The following DAAM2 variants were observed in gnomAD, a reference collection of about 807,000 sequenced individuals.
DAAM2 encodes the protein disheveled-associated activator of morphogenesis 2.
DAAM2 carries 39 observed loss-of-function variants against 120.7 expected under a neutral mutation model. The observed-to-expected ratio is 0.32, with a 90% CI of 0.25 to 0.42. The LOEUF is 0.42. Ranked by LOEUF, DAAM2 falls within the 10% of genes least tolerant of loss-of-function variation. The probability of loss-of-function intolerance (pLI) is 1.00; values close to 1 mark genes in which losing one functional copy is unlikely to be tolerated. For missense variants in DAAM2, 1,283 were observed against 1,401.7 expected (o/e 0.92, Z 1.35); for synonymous variants, 488 against 524.9 (o/e 0.93, Z 0.96).
chr6:39,817,819 C>T (rs1017782614), intron 1 of DAAM2, among the ~76,000 whole-genome samples: 26 of 152,124 alleles, frequency 1.7e-4, no homozygotes, highest in African/African-American at 6.3e-4. Flanking sequence ...GGCCTACCCA[C>T]ATTATGGAGG....
chr6:39,871,750 G>A (rs1042342660), intron 9 of DAAM2, among the ~76,000 whole-genome samples, 178 bp downstream of exon 9: 51 of 152,166 alleles, frequency 3.4e-4, no homozygotes, highest in African/African-American at 1.2e-3. Flanking sequence ...ACAACCAATA[G>A]GATACATATA....
chr6:39,879,389 A>AC lies in DAAM2; in HGVS notation c.1761dup (p.Ser588GlnfsTer3). 1 of 1,603,982 alleles carries AC rather than the reference A, an allele frequency of 6.2e-7. No homozygotes were observed. Among genetic ancestry groups the AC allele is most frequent in the Non-Finnish European group, 8.5e-7 (1 of 1,177,440 alleles). On this transcript the variant is annotated frameshift_variant, in exon 14 of 25. Transcript: ENST00000274867. LOFTEE classifies it high-confidence loss of function. Reference sequence around the variant, plus strand: ...GGCCTGCCCCTCCCTCAGGACCCCTACCCCAGCAGTGACGTCCCACTCAGG... The same window carrying AC: ...GGCCTGCCCCTCCCTCAGGACCCCTACCCCCAGCAGTGACGTCCCACTCAGG...
Position 39,901,711 on chromosome 6 carries a change from G to A in DAAM2, c.2983-102G>A. Reference sequence around the variant, plus strand: ...AAGTGGGGCCAACAGATACAGGCAGGCAGCATGACCATGGCCTAGGAGTTA... The same window carrying A: ...AAGTGGGGCCAACAGATACAGGCAGACAGCATGACCATGGCCTAGGAGTTA... On this transcript the variant is annotated intron_variant, in intron 24 of 24. Transcript: ENST00000274867. This position sits in a 1 kb window ranked among gnomAD's most constrained non-coding sequence, Gnocchi z 4.5. 1.7e-6 allele frequency: 2 copies of A among 1,157,308 alleles called. No individual in the cohort carries two copies. The highest frequency in any genetic ancestry group is 2.4e-6 in the Non-Finnish European group (2 of 844,096). The allele number at this position is 1,157,308 out of a possible 1,614,324, so 71.7% of individuals were successfully genotyped here.
rs1762067606 is a variant in DAAM2 at position 39,808,339 on chromosome 6, G to A, written c.-57+15874G>A. On this transcript the variant is annotated intron_variant, in intron 1 of 24. Coordinates refer to ENST00000274867, the MANE Select transcript of DAAM2 (RefSeq NM_001201427.2). The stretch of plus-strand genomic sequence containing the variant: ...AAGTGCTAGAAAGTGACCACAGGCT[G>A]TCCTTTTGATAAGGACATGGGACCA... Among the ~76,000 whole-genome samples, 2 of 152,160 alleles carry A rather than the reference G, an allele frequency of 1.3e-5. 1 individual carries two copies. Among genetic ancestry groups the A allele is most frequent in the South Asian group, 4.1e-4 (2 of 4,822 alleles).
chr6:39,806,628 C>G (rs1218799317), intron 1 of DAAM2, among the ~76,000 whole-genome samples: 2 of 152,092 alleles, frequency 1.3e-5, no homozygotes, highest in African/African-American at 4.8e-5. Flanking sequence ...CCCTCTGCCT[C>G]CATCCTCAAC....
intron 1 of DAAM2, among the ~76,000 whole-genome samples, chr6:39,840,083 C>G (rs897030799): frequency 2.0e-5 from 3 of 152,106 alleles, no homozygotes; most frequent in Admixed American, 1.3e-4. Flanking sequence ...AAACATTAGC[C>G]AGGTGTGATG....
chr6:39,800,800 G>A (rs988523370), intron 1 of DAAM2, among the ~76,000 whole-genome samples: 6 of 152,278 alleles, frequency 3.9e-5, no homozygotes, highest in Admixed American at 2.0e-4. Flanking sequence ...TGGGTTTGGC[G>A]GAGGCCTTAG....
chr6:39,848,013 A>G lies in DAAM2; in HGVS notation c.-56-8234A>G, dbSNP rs117534151. Reference sequence around the variant, plus strand: ...AGGTGCAGTGGAACCACCCTAGTAGAGCTTCTCATTCATCTGGGCTGTCGT... The same window carrying G: ...AGGTGCAGTGGAACCACCCTAGTAGGGCTTCTCATTCATCTGGGCTGTCGT... On this transcript the variant is annotated intron_variant, in intron 1 of 24. Transcript: ENST00000274867. Among the ~76,000 whole-genome samples the G allele has an allele frequency of 9.2e-4, 140 of 152,138 alleles. 3 individuals carry two copies. The East Asian group carries it at 0.018, about 20-fold the overall frequency.
rs1049926743 is a variant in DAAM2, at chr6:39,891,630, A to G, written c.2253-4A>G. The G allele has an allele frequency of 2.7e-5, 44 of 1,610,456 alleles. No homozygotes were observed. The highest frequency in any genetic ancestry group is 3.7e-5 in the Non-Finnish European group (44 of 1,178,376). On this transcript the variant is annotated splice_region_variant and splice_polypyrimidine_tract_variant and intron_variant, in intron 18 of 24. Coordinates refer to ENST00000274867, the MANE Select transcript of DAAM2 (RefSeq NM_001201427.2). ...CCTCAAGATATGGTTCACCTTGTCT[A>G]CAGGATTGACCACTACCAGCAGCGA...
At position 39,810,508 on chromosome 6, in the gene DAAM2, T is replaced by G. The variant is rs544373472; in HGVS notation, c.-57+18043T>G. Among the ~76,000 whole-genome samples the G allele has an allele frequency of 2.0e-5, 3 of 152,328 alleles. No individual in the cohort carries two copies. The South Asian group carries it at 6.2e-4, about 32-fold the overall frequency. On this transcript the variant is annotated intron_variant, in intron 1 of 24. Coordinates refer to ENST00000274867, the MANE Select transcript of DAAM2 (RefSeq NM_001201427.2). ...GGTGCTCCAGCTAATGGTTCACACC[T>G]GTGTGGGCTGCCCTTGGGTTGTCCA...
intron 1 of DAAM2, among the ~76,000 whole-genome samples, chr6:39,828,639 T>A (rs1274864571): frequency 1.3e-5 from 2 of 149,764 alleles, no homozygotes; most frequent in African/African-American, 4.9e-5. Flanking sequence ...CTCAGCTCAC[T>A]GCAGCCTCTG....
intron 1 of DAAM2, among the ~76,000 whole-genome samples, chr6:39,847,785 G>T (rs1353373175): frequency 6.6e-6 from 1 of 151,872 alleles, no homozygotes; most frequent in Non-Finnish European, 1.5e-5. Flanking sequence ...TCTCCCTCTT[G>T]TCTTCCCACC....
chr6:39,888,518 C>T (rs564702188), intron 16 of DAAM2, 161 bp from the exon 17 acceptor site: 7 of 539,706 alleles, frequency 1.3e-5, no homozygotes, highest in African/African-American at 5.6e-5. Context: ...TGGACTGAAT[C>T]ATACTAGTCT....
intron 14 of DAAM2, among the ~76,000 whole-genome samples, chr6:39,883,065 A>T (rs1004468295): frequency 3.3e-5 from 5 of 152,176 alleles, no homozygotes; most frequent in African/African-American, 1.2e-4. Context: ...TCTATGCTGA[A>T]GGACAGCAAA....
At chr6:39,811,410 G>A (rs1179864705) in intron 1 of DAAM2, among the ~76,000 whole-genome samples, 1 of 152,092 alleles carries the variant, frequency 6.6e-6, no homozygotes, top group Non-Finnish European at 1.5e-5. Context: ...TGCGATGGAG[G>A]GGTTATGTAC....
intron 5 of DAAM2, among the ~76,000 whole-genome samples, chr6:39,865,722 A>G (rs1048741059): frequency 1.3e-5 from 2 of 152,260 alleles, no homozygotes; most frequent in African/African-American, 4.8e-5. Context: ...GCAATTTTGT[A>G]AGCTGGTTGT....
At position 39,881,488 on chromosome 6, in the gene DAAM2, G is replaced by A. The variant is rs140988152; in HGVS notation, c.1845+2011G>A. 7.8e-3 allele frequency among the ~76,000 whole-genome samples: 1,189 copies of A among 152,316 alleles called. 16 individuals carry two copies. The highest frequency in any genetic ancestry group is 0.027 in the African/African-American group (1,134 of 41,572). ...AATCCCAGCACTTGGGGAGGCCAAG[G>A]CGGGCAGATCACAAGGTCAGGAGTT... On this transcript the variant is annotated intron_variant, in intron 14 of 24. Coordinates refer to ENST00000274867, the MANE Select transcript of DAAM2 (RefSeq NM_001201427.2).
intron 8 of DAAM2, 57 bp downstream of exon 8, chr6:39,870,500 G>A (rs1423539459): frequency 4.5e-6 from 5 of 1,104,910 alleles, no homozygotes; most frequent in East Asian, 2.6e-5. Context: ...CCTCAGATGG[G>A]GATAGTTGGG....
chr6:39,876,772 A>G (rs1330930804), intron 11 of DAAM2, among the ~76,000 whole-genome samples: 1 of 151,768 alleles, frequency 6.6e-6, no homozygotes, highest in Non-Finnish European at 1.5e-5. Flanking sequence ...TCTGTGTGTG[A>G]TATTTGCCTT....
Sources: gnomAD v4.1 joint callset for allele counts (sites outside exome capture counted in the v4.1 genomes callset) on GRCh38, gnomAD v4.1.1 for gene constraint, Gnocchi (gnomAD v3.1) non-coding constraint, MANE v1.5 for transcripts, NCBI Gene and HGNC (gene_info 2026-07-23, HGNC 2026-07-21) for gene names.